Variants in DLG2 observed in about 807,000 individuals in gnomAD.
DLG2 encodes disks large homolog 2.
Under a neutral mutation model 132.5 loss-of-function variants are expected in DLG2, and 45 were observed. The observed-to-expected ratio is 0.34, with a 90% CI of 0.27 to 0.44. The LOEUF is 0.44. Among genes scored for constraint, DLG2 ranks in the 20% least tolerant of loss-of-function variants. DLG2 has a pLI of 1.00. For missense variants in DLG2, 1,045 were observed against 1,196.9 expected (o/e 0.87, Z 1.87); for synonymous variants, 424 against 419.6 (o/e 1.01, Z -0.13).
At position 85,021,239 on chromosome 11, in the gene DLG2, G is replaced by A. The variant is rs368477536; in HGVS notation, c.357+90422C>T. The A allele has an allele frequency of 3.0e-4, 382 of 1,281,456 alleles. 3 individuals carry two copies. The South Asian group carries it at 3.5e-3, about 12-fold the overall frequency. 79.4% of individuals were successfully genotyped at this position (1,281,456 alleles called of 1,614,324 possible). A position where few individuals can be genotyped will look rare whatever the true frequency, so the allele number is the denominator to read the frequency against. On this transcript the variant is annotated intron_variant, in intron 6 of 27. Coordinates refer to ENST00000376104, the MANE Select transcript of DLG2 (RefSeq NM_001142699.3). ...TGACGTTTCGAGGGCACTACAGCCC[G>A]AGCAATAGGAGGAGGAGGAGGAGGT...
chr11:84,432,402 T>C (rs1038860471), intron 7 of DLG2, among the ~76,000 whole-genome samples: 1 of 152,222 alleles, frequency 6.6e-6, no homozygotes, highest in South Asian at 2.1e-4. Flanking sequence ...ATTAATGGTT[T>C]GAACACTGTC....
chr11:84,943,764 G>C (rs942193083), intron 6 of DLG2, among the ~76,000 whole-genome samples: 4 of 152,026 alleles, frequency 2.6e-5, no homozygotes, highest in Admixed American at 2.6e-4. Flanking sequence ...CTCATGATAT[G>C]AATAGTTTGT....
intron 3 of DLG2, among the ~76,000 whole-genome samples, chr11:85,339,873 C>G (rs2082367957): frequency 6.6e-6 from 1 of 152,084 alleles, no homozygotes; most frequent in Non-Finnish European, 1.5e-5. Flanking sequence ...ATGGAGCCAA[C>G]AGACACATGA....
chr11:84,840,535 T>C (rs964454354), intron 6 of DLG2, among the ~76,000 whole-genome samples: 10 of 152,298 alleles, frequency 6.6e-5, no homozygotes, highest in Middle Eastern at 3.4e-3. Flanking sequence ...TAAATACACA[T>C]GCACACATAT....
At chr11:84,097,127 A>G (rs1381880312) in intron 10 of DLG2, among the ~76,000 whole-genome samples, 1 of 152,178 alleles carries the variant, frequency 6.6e-6, no homozygotes, top group East Asian at 1.9e-4. Context: ...CATGCACGCT[A>G]AAGTCATTCT....
rs781192638 is a variant in DLG2 at position 84,856,510 on chromosome 11, T to C, written c.357+255151A>G. On this transcript the variant is annotated intron_variant, in intron 6 of 27. Transcript: ENST00000376104. ...CTACCACTGTGTTACCCTTCACATA[T>C]AATCCATTACCTGTCCTAAATATAC... 2.6e-5 allele frequency among the ~76,000 whole-genome samples: 4 copies of C among 152,126 alleles called. No homozygotes were observed. The East Asian group carries it at 5.8e-4, about 22-fold the overall frequency.
chr11:83,620,869 C>CAAAAAAAAAAA lies in DLG2; in HGVS notation c.1940+12331_1940+12341dup, dbSNP rs56868518. On this transcript the variant is annotated intron_variant, in intron 19 of 27. Transcript: ENST00000376104. Reference sequence around the variant, plus strand: ...TGGGCGACAGAGCGAGACTCCGTCTCAAAAAAAAAAAAAAAAAAAAAAAAA... The same window carrying CAAAAAAAAAAA: ...TGGGCGACAGAGCGAGACTCCGTCTCAAAAAAAAAAAAAAAAAAAAAAAAAAAAAAAAAAAA... 3.7e-3 allele frequency among the ~76,000 whole-genome samples: 210 copies of CAAAAAAAAAAA among 57,210 alleles called. 21 individuals are homozygous for CAAAAAAAAAAA. The highest frequency in any genetic ancestry group is 0.019 in the African/African-American group (190 of 10,098). 37.5% of individuals were successfully genotyped at this position (57,210 alleles called of 152,430 possible). A position where few individuals can be genotyped will look rare whatever the true frequency, so the allele number is the denominator to read the frequency against.
chr11:84,163,070 A>G (rs2095582668), intron 9 of DLG2, among the ~76,000 whole-genome samples: 1 of 152,156 alleles, frequency 6.6e-6, no homozygotes, highest in Admixed American at 6.6e-5. Flanking sequence ...TAAACTAAGT[A>G]AGAAACACAT....
chr11:85,483,882 T>G (rs1361725928), intron 3 of DLG2, among the ~76,000 whole-genome samples: 3 of 146,156 alleles, frequency 2.1e-5, no homozygotes, highest in Admixed American at 1.4e-4. Flanking sequence ...ATGCAGAGGT[T>G]GCAGTGAGCC....
chr11:83,554,611 A>G (rs2096477347), intron 19 of DLG2, among the ~76,000 whole-genome samples: 1 of 152,160 alleles, frequency 6.6e-6, no homozygotes, highest in South Asian at 2.1e-4. Flanking sequence ...TTTAATATTG[A>G]TCTATCTAAC....
intron 21 of DLG2, 112 bp downstream of exon 21, chr11:83,532,596 C>T: frequency 1.2e-6 from 1 of 834,334 alleles, no homozygotes. Context: ...TAACAGTGCT[C>T]TACTGTCTGG....
At chr11:84,109,997 A>G (rs1012599073) in intron 9 of DLG2, among the ~76,000 whole-genome samples, 1 of 151,858 alleles carries the variant, frequency 6.6e-6, no homozygotes, top group African/African-American at 2.4e-5. Context: ...TTCTGCCATC[A>G]CTCTCTAGTT....
At chr11:83,886,570 A>C (rs1310948925) in intron 15 of DLG2, among the ~76,000 whole-genome samples, 3 of 152,136 alleles carry the variant, frequency 2.0e-5, no homozygotes, top group Non-Finnish European at 4.4e-5. Context: ...ATACCCAGGA[A>C]TTGAACTCAG....
intron 8 of DLG2, among the ~76,000 whole-genome samples, chr11:84,193,721 C>T (rs967930073): frequency 6.6e-6 from 1 of 152,142 alleles, no homozygotes; most frequent in Non-Finnish European, 1.5e-5. Flanking sequence ...TTAAACTATC[C>T]TAACCAGTTC....
chr11:85,609,191 G>A (rs180992620), intron 2 of DLG2, among the ~76,000 whole-genome samples: 65 of 152,264 alleles, frequency 4.3e-4, no homozygotes, highest in African/African-American at 1.3e-3. Context: ...AAGTGGCTAC[G>A]GGAGGCCTTA....
intron 6 of DLG2, among the ~76,000 whole-genome samples, chr11:84,669,897 C>T (rs1377276565): frequency 6.6e-6 from 1 of 152,098 alleles, no homozygotes; most frequent in Non-Finnish European, 1.5e-5. Context: ...GAAAGAGTAG[C>T]ATTGAACTGA....
Position 83,928,879 on chromosome 11 carries a change from C to T in DLG2, c.1496+1449G>A, listed in dbSNP as rs556738714. Among the ~76,000 whole-genome samples, 6 of 152,270 alleles carry T rather than the reference C, an allele frequency of 3.9e-5. No homozygotes were observed. The South Asian group carries it at 1.2e-3, about 32-fold the overall frequency. On this transcript the variant is annotated intron_variant, in intron 15 of 27. Coordinates refer to ENST00000376104, the MANE Select transcript of DLG2 (RefSeq NM_001142699.3). ...ACCCTTATGTAGCTGACTATAGGTA[C>T]ATAATTACTAGCAAGTCATTACAGG...
intron 6 of DLG2, among the ~76,000 whole-genome samples, chr11:84,893,214 C>A (rs141675111): frequency 4.6e-4 from 70 of 152,272 alleles, no homozygotes; most frequent in African/African-American, 1.6e-3. Context: ...AGGTGAGGAG[C>A]TTGTAGGATC....
At chr11:84,098,473 T>C (rs1379349158) in intron 10 of DLG2, among the ~76,000 whole-genome samples, 5 of 152,216 alleles carry the variant, frequency 3.3e-5, no homozygotes, top group Non-Finnish European at 7.3e-5. Context: ...ATGGTTTTTT[T>C]AGACTCTTTT....
Sources: allele counts gnomAD v4.1 joint callset (sites outside exome capture counted in the v4.1 genomes callset), GRCh38; gene constraint gnomAD v4.1.1; transcripts MANE v1.5; gene names NCBI Gene and HGNC (gene_info 2026-07-23, HGNC 2026-07-21).